The following FHIT variants were observed in gnomAD, a reference collection of about 807,000 sequenced individuals.
FHIT encodes fragile histidine triad diadenosine triphosphatase, also known as bis(5'-adenosyl)-triphosphatase.
FHIT carries 19 observed loss-of-function variants against 17.9 expected under a neutral mutation model. That is an observed-to-expected ratio of 1.06 (90% CI 0.74 to 1.56). FHIT has a LOEUF of 1.56. FHIT is among the 40% of genes most tolerant of loss of function. The pLI is 0.00. For missense variants in FHIT, 248 were observed against 189.2 expected, an observed-to-expected ratio of 1.31 and a Z score of -1.82; for synonymous variants, 81 against 69.7, an observed-to-expected ratio of 1.16 and a Z score of -0.81.
At chr3:59,770,673 G>T (rs1702033864) in intron 8 of FHIT, among the ~76,000 whole-genome samples, 1 of 152,166 alleles carries the variant, frequency 6.6e-6, no homozygotes, top group Non-Finnish European at 1.5e-5. Context: ...ACCCACCCAG[G>T]TTGTGGTACT....
chr3:60,744,268 CAAAAAA>C lies in FHIT; in HGVS notation c.-18+77645_-18+77650del, dbSNP rs374691493. On this transcript the variant is annotated intron_variant, in intron 4 of 9. Coordinates refer to ENST00000492590, the MANE Select transcript of FHIT (RefSeq NM_002012.4). ...ATGTAAAAAAAAAAACAAAACAAAA[CAAAAAA>C]AAAAAAAAACAGAAAGAAAAGAAAA... Among the ~76,000 whole-genome samples, 315 of 80,108 alleles carry C rather than the reference CAAAAAA, an allele frequency of 3.9e-3. 8 individuals are homozygous for C. Among genetic ancestry groups the C allele is most frequent in the Admixed American group, 5.1e-3 (37 of 7,238 alleles). The allele number at this position is 80,108 out of a possible 152,430, so 52.6% of individuals were successfully genotyped here. A position where few individuals can be genotyped will look rare whatever the true frequency, so the allele number is the denominator to read the frequency against.
chr3:61,110,194 G>A (rs893268039), intron 2 of FHIT, among the ~76,000 whole-genome samples: 1 of 152,108 alleles, frequency 6.6e-6, no homozygotes, highest in African/African-American at 2.4e-5. Flanking sequence ...CTCTCAGGCC[G>A]CTTTTCTCTT....
intron 7 of FHIT, among the ~76,000 whole-genome samples, chr3:59,993,530 T>C (rs1666795628): frequency 1.3e-5 from 2 of 152,036 alleles, no homozygotes; most frequent in South Asian, 2.1e-4. Context: ...CCTCTCTACC[T>C]TCCCAGTTTA....
At chr3:61,023,760 A>G (rs1186987884) in intron 3 of FHIT, among the ~76,000 whole-genome samples, 4 of 152,202 alleles carry the variant, frequency 2.6e-5, no homozygotes, top group Non-Finnish European at 5.9e-5. Flanking sequence ...AGGAGTCCCT[A>G]TTTAATAAAT....
At chr3:60,932,323 T>G (rs1707998656) in intron 3 of FHIT, among the ~76,000 whole-genome samples, 1 of 152,134 alleles carries the variant, frequency 6.6e-6, no homozygotes, top group Non-Finnish European at 1.5e-5. Flanking sequence ...TCCACTCACC[T>G]CTTCCTATCT....
chr3:61,023,074 G>C (rs895233015), intron 3 of FHIT, among the ~76,000 whole-genome samples: 6 of 152,218 alleles, frequency 3.9e-5, no homozygotes, highest in Admixed American at 1.3e-4. Context: ...CAGATGAAAT[G>C]AGTGCATATC....
chr3:61,102,808 C>G (rs979112413), intron 2 of FHIT, among the ~76,000 whole-genome samples: 1 of 152,030 alleles, frequency 6.6e-6, no homozygotes, highest in South Asian at 2.1e-4. Flanking sequence ...AGGAATTTAT[C>G]CATTTCTTCT....
intron 1 of FHIT, among the ~76,000 whole-genome samples, chr3:61,203,593 C>G (rs1344605493): frequency 6.6e-6 from 1 of 152,034 alleles, no homozygotes; most frequent in Non-Finnish European, 1.5e-5. Flanking sequence ...GATGGTAAAT[C>G]TGGTAACTTT....
chr3:60,898,463 T>C (rs111390588), intron 3 of FHIT, among the ~76,000 whole-genome samples: 1 of 152,200 alleles, frequency 6.6e-6, no homozygotes, highest in African/African-American at 2.4e-5. Context: ...GTATGGTGGG[T>C]TCCCTTTACC....
intron 2 of FHIT, among the ~76,000 whole-genome samples, chr3:61,110,699 C>T (rs1375820371): frequency 6.6e-6 from 1 of 152,254 alleles, no homozygotes; most frequent in Non-Finnish European, 1.5e-5. Context: ...AGAACTAGCA[C>T]CACACCACAG....
At chr3:60,958,224 G>C (rs1314281602) in intron 3 of FHIT, among the ~76,000 whole-genome samples, 1 of 152,090 alleles carries the variant, frequency 6.6e-6, no homozygotes, top group African/African-American at 2.4e-5. Flanking sequence ...CAATATACCT[G>C]TATTGATATA....
chr3:60,776,842 T>G (rs12491786), intron 4 of FHIT, among the ~76,000 whole-genome samples: 31,995 of 152,154 alleles, frequency 0.21, 3,402 homozygotes, highest in Admixed American at 0.24. Flanking sequence ...TTAAGGATTG[T>G]TTTGAGTTAC....
intron 3 of FHIT, among the ~76,000 whole-genome samples, chr3:60,987,013 A>T (rs1031584576): frequency 2.0e-5 from 3 of 152,316 alleles, no homozygotes; most frequent in African/African-American, 7.2e-5. Context: ...GGATGAAACT[A>T]TGTCACTTGT....
intron 4 of FHIT, among the ~76,000 whole-genome samples, chr3:60,677,655 C>T (rs375061643): frequency 6.8e-6 from 1 of 147,428 alleles, no homozygotes; most frequent in Non-Finnish European, 1.5e-5. Flanking sequence ...TATATATATA[C>T]ATATGTATAC....
At position 61,185,794 on chromosome 3, in the gene FHIT, G is replaced by A. The variant is rs1056969283; in HGVS notation, c.-164+14823C>T. 2.6e-5 allele frequency among the ~76,000 whole-genome samples: 4 copies of A among 152,096 alleles called. No homozygotes were observed. The East Asian group carries it at 7.7e-4, about 29-fold the overall frequency. On this transcript the variant is annotated intron_variant, in intron 2 of 9. Coordinates refer to ENST00000492590, the MANE Select transcript of FHIT (RefSeq NM_002012.4). ...CACTTGGAGTCATCTCTGGGCTGTA[G>A]GATTATACACAATTTCTATTTTCTT... is the stretch of plus-strand genomic sequence containing the variant.
At chr3:61,218,883 TATCCCAGCACCCA>T (rs2039758548) in intron 1 of FHIT, among the ~76,000 whole-genome samples, 1 of 152,208 alleles carries the variant, frequency 6.6e-6, no homozygotes, top group Non-Finnish European at 1.5e-5. Context: ...CCCCAGATTC[TATCCCAGCACCCA>T]ACAGTCATTC....
chr3:60,454,479 G>A (rs2031959153), intron 5 of FHIT, among the ~76,000 whole-genome samples: 2 of 151,768 alleles, frequency 1.3e-5, no homozygotes, highest in East Asian at 3.9e-4. Context: ...CCACCTCCTG[G>A]GTTCAAGCAA....
At chr3:60,358,049 C>T (rs1208822115) in intron 5 of FHIT, among the ~76,000 whole-genome samples, 1 of 152,164 alleles carries the variant, frequency 6.6e-6, no homozygotes. Context: ...TAGGCCTTAG[C>T]AATTTGTGTT....
intron 3 of FHIT, among the ~76,000 whole-genome samples, chr3:60,925,673 T>C (rs1553769660): frequency 1.3e-5 from 2 of 152,124 alleles, no homozygotes; most frequent in African/African-American, 4.8e-5. Context: ...AATAACCAGC[T>C]AACATCATAA....
Sources: gnomAD v4.1 joint callset for allele counts (sites outside exome capture counted in the v4.1 genomes callset) on GRCh38, gnomAD v4.1.1 for gene constraint, MANE v1.5 for transcripts, NCBI Gene and HGNC (gene_info 2026-07-23, HGNC 2026-07-21) for gene names.